WDPCP: variants seen among roughly 807,000 people sequenced by gnomAD.
WDPCP encodes the protein WD repeat-containing and planar cell polarity effector protein fritz homolog.
Under a neutral mutation model 93.1 loss-of-function variants are expected in WDPCP, and 71 were observed. That is an observed-to-expected ratio of 0.76 (90% CI 0.63 to 0.93). The LOEUF (loss-of-function observed/expected upper bound fraction) is 0.93, where lower values mean the gene tolerates loss of function less well. WDPCP is among the 40% of genes least tolerant of loss of function. The pLI, the probability that WDPCP is intolerant of heterozygous loss-of-function variation, is 0.00. For synonymous variants in WDPCP, 315 were observed against 315.0 expected (o/e 1.00, Z 0.00); for missense variants, 844 against 887.4 (o/e 0.95, Z 0.62).
At position 63,404,496 on chromosome 2, in the gene WDPCP, C is replaced by G; in HGVS notation, c.987G>C (p.Val329=). Residue 329 remains valine (V), a synonymous_variant, in exon 10 of 18, where the codon GTG becomes GTC. Coordinates refer to ENST00000272321, the MANE Select transcript of WDPCP (RefSeq NM_015910.7). ...YECIRNKIQC[V]SVTRIPLKSK... The stretch of plus-strand genomic sequence containing the variant: ...ACTTTAGTGGTATTCTGGTGACTGA[C>G]ACACACTGGATTTTATTCCGAATGC... The G allele has an allele frequency of 6.2e-7, 1 of 1,614,068 alleles. No homozygotes were observed. The highest frequency in any genetic ancestry group is 8.5e-7 in the Non-Finnish European group (1 of 1,179,976).
At chr2:63,778,974 T>C (rs926568844) in intron 2 of WDPCP, among the ~76,000 whole-genome samples, 8 of 152,204 alleles carry the variant, frequency 5.3e-5, no homozygotes, top group Non-Finnish European at 8.8e-5. Flanking sequence ...TGCCTAGATT[T>C]TGGCATACAT....
At chr2:63,492,767 G>C in intron 2 of WDPCP, 89 bp downstream of exon 2, 2 of 1,181,584 alleles carry the variant, frequency 1.7e-6, no homozygotes, top group Non-Finnish European at 2.5e-6. Flanking sequence ...ACTCCAGCTG[G>C]AGAATTCAGG....
At chr2:63,155,984 G>A (rs965044016) in intron 15 of WDPCP, among the ~76,000 whole-genome samples, 10 of 152,028 alleles carry the variant, frequency 6.6e-5, no homozygotes, top group Middle Eastern at 3.4e-3. Context: ...AGTCCAAACC[G>A]TAAACACGTC....
intron 1 of WDPCP, among the ~76,000 whole-genome samples, chr2:63,523,297 G>A (rs766672310): frequency 6.6e-6 from 1 of 152,088 alleles, no homozygotes; most frequent in South Asian, 2.1e-4. Flanking sequence ...GGCATCAAAA[G>A]AATGTACCTC....
At chr2:63,644,862 T>C (rs1265874529) in intron 3 of WDPCP, among the ~76,000 whole-genome samples, 1 of 152,166 alleles carries the variant, frequency 6.6e-6, no homozygotes, top group Non-Finnish European at 1.5e-5. Flanking sequence ...TGTGTCCTTT[T>C]TCATCTCTGT....
At chr2:63,349,939 G>C (rs1689462521) in intron 12 of WDPCP, among the ~76,000 whole-genome samples, 1 of 152,158 alleles carries the variant, frequency 6.6e-6, no homozygotes, top group South Asian at 2.1e-4. Context: ...AGACTGAAAT[G>C]GAAGAATTCA....
chr2:63,250,803 T>G (rs908844702), intron 14 of WDPCP, among the ~76,000 whole-genome samples: 2 of 152,188 alleles, frequency 1.3e-5, no homozygotes, highest in African/African-American at 4.8e-5. Flanking sequence ...TATTTAGCCA[T>G]ATATATTTTA....
At chr2:63,746,083 A>G (rs1180046663) in intron 2 of WDPCP, among the ~76,000 whole-genome samples, 1 of 152,174 alleles carries the variant, frequency 6.6e-6, no homozygotes, top group Non-Finnish European at 1.5e-5. Context: ...CCCCAAACAG[A>G]GGGACTGGCT....
chr2:63,549,335 T>A (rs905508839), intron 1 of WDPCP, among the ~76,000 whole-genome samples: 1 of 150,906 alleles, frequency 6.6e-6, no homozygotes, highest in Non-Finnish European at 1.5e-5. Context: ...CAAAGGAAAT[T>A]TGAAGTAATT....
intron 13 of WDPCP, among the ~76,000 whole-genome samples, chr2:63,275,681 G>A (rs561049861): frequency 2.6e-5 from 4 of 152,070 alleles, no homozygotes; most frequent in Non-Finnish European, 4.4e-5. Flanking sequence ...TAACCAAGAA[G>A]GTGAAAGACC....
chr2:63,127,060 CA>C, intron 17 of WDPCP, among the ~76,000 whole-genome samples: 1 of 151,146 alleles, frequency 6.6e-6, no homozygotes, highest in East Asian at 1.9e-4. Flanking sequence ...TGAAATGCCC[CA>C]AATCTTTCAG....
At chr2:63,600,087 T>C (rs1250393488) in intron 3 of WDPCP, 1 of 150,922 alleles carries the variant, frequency 6.6e-6, no homozygotes, top group Admixed American at 6.7e-5. Context: ...CTTTTTCTTC[T>C]AGAGAAGATA....
chr2:63,189,641 T>G lies in WDPCP; in HGVS notation c.1916-14809A>C, dbSNP rs543671131. On this transcript the variant is annotated intron_variant, in intron 14 of 17. Coordinates refer to ENST00000272321, the MANE Select transcript of WDPCP (RefSeq NM_015910.7). ...TGCTTTTTCCTTGACAGACAAAACA[T>G]TGTACTTATTCTCACCTTGAGTCCT... is the stretch of plus-strand genomic sequence containing the variant. Among the ~76,000 whole-genome samples, 9 of 152,308 alleles carry G rather than the reference T, an allele frequency of 5.9e-5. No individual in the cohort carries two copies. The East Asian group carries it at 1.7e-3, about 29-fold the overall frequency.
intron 2 of WDPCP, among the ~76,000 whole-genome samples, chr2:63,710,126 C>T (rs896444525): frequency 2.6e-5 from 4 of 152,150 alleles, no homozygotes; most frequent in Admixed American, 2.6e-4. Flanking sequence ...TCCTAGGAGG[C>T]TGCTCTACAC....
At position 63,663,023 on chromosome 2, in the gene WDPCP, A is replaced by C. The variant is rs572156075; in HGVS notation, n.309-12185T>G. On this transcript the variant is annotated intron_variant and non_coding_transcript_variant, in intron 2 of 4. Coordinates refer to the WDPCP transcript ENST00000467687. ...AAGCTCACCAGCCATGAGGTACCTC[A>C]AGGTGAACAGCCCTAGCCATGTTAT... is the stretch of plus-strand genomic sequence containing the variant. 1.4e-4 allele frequency among the ~76,000 whole-genome samples: 22 copies of C among 152,344 alleles called. No homozygotes were observed. The East Asian group carries it at 4.2e-3, about 29-fold the overall frequency.
intron 2 of WDPCP, among the ~76,000 whole-genome samples, chr2:63,703,378 C>CCTGGAACAGGAGA (rs1386368136): frequency 3.5e-4 from 53 of 152,294 alleles, no homozygotes; most frequent in Non-Finnish European, 4.7e-4. Flanking sequence ...TCCTCTCCAG[C>CCTGGAACAGGAGA]ACCTGTTGTT....
chr2:63,367,086 C>T (rs1400167402), intron 12 of WDPCP, among the ~76,000 whole-genome samples: 2 of 150,396 alleles, frequency 1.3e-5, no homozygotes, highest in African/African-American at 2.4e-5. Context: ...GAAATATATG[C>T]AATCATCATT....
intron 14 of WDPCP, among the ~76,000 whole-genome samples, chr2:63,204,967 T>G (rs1304291117): frequency 6.6e-6 from 1 of 152,068 alleles, no homozygotes; most frequent in Non-Finnish European, 1.5e-5. Flanking sequence ...TTTTCTTGTA[T>G]TAGTTTGAGG....
intron 14 of WDPCP, among the ~76,000 whole-genome samples, chr2:63,201,676 G>C (rs542418134): frequency 6.6e-6 from 1 of 152,104 alleles, no homozygotes; most frequent in Non-Finnish European, 1.5e-5. Context: ...CTATTATTGT[G>C]GGGGGAGCAC....
Sources: allele counts gnomAD v4.1 joint callset (sites outside exome capture counted in the v4.1 genomes callset), GRCh38; gene constraint gnomAD v4.1.1; transcripts MANE v1.5; gene names NCBI Gene and HGNC (gene_info 2026-07-23, HGNC 2026-07-21).